HIVEP3: variants seen among roughly 807,000 people sequenced by gnomAD.
HIVEP3 encodes HIVEP zinc finger 3.
A neutral mutation model predicts 152.8 loss-of-function variants in HIVEP3; 49 were observed. That is an observed-to-expected ratio of 0.32 (90% CI 0.26 to 0.41). HIVEP3 has a LOEUF of 0.41. HIVEP3 is among the 10% of genes least tolerant of loss of function. The pLI, the probability that HIVEP3 is intolerant of heterozygous loss-of-function variation, is 1.00. For synonymous variants in HIVEP3, 1,269 were observed against 1,289.0 expected, an observed-to-expected ratio of 0.98 and a Z score of 0.33; for missense variants, 2,790 against 3,103.3, an observed-to-expected ratio of 0.90 and a Z score of 2.40.
chr1:41,521,109 T>A (rs971999413), intron 6 of HIVEP3, among the ~76,000 whole-genome samples: 1 of 152,138 alleles, frequency 6.6e-6, no homozygotes, highest in African/African-American at 2.4e-5. Context: ...CTTGGGCAAG[T>A]TCCTCAACCT....
At chr1:41,783,713 C>T (rs538474794) in intron 1 of HIVEP3, among the ~76,000 whole-genome samples, 12 of 152,260 alleles carry the variant, frequency 7.9e-5, no homozygotes, top group African/African-American at 1.7e-4. Context: ...AGATGACATT[C>T]GTGGGTATTA....
chr1:41,897,514 C>G (rs567525240), intron 1 of HIVEP3, among the ~76,000 whole-genome samples: 4 of 152,290 alleles, frequency 2.6e-5, no homozygotes, highest in African/African-American at 9.6e-5. Flanking sequence ...AGGCCCTCGT[C>G]AACACTGAAT....
At chr1:41,595,107 T>A (rs1303039527) in intron 3 of HIVEP3, among the ~76,000 whole-genome samples, 2 of 152,238 alleles carry the variant, frequency 1.3e-5, no homozygotes, top group Non-Finnish European at 2.9e-5. Flanking sequence ...TTTTTGCTAA[T>A]TCCCCATGTG....
At chr1:41,759,940 C>T (rs1036125406) in intron 1 of HIVEP3, among the ~76,000 whole-genome samples, 1 of 152,156 alleles carries the variant, frequency 6.6e-6, no homozygotes, top group African/African-American at 2.4e-5. Context: ...AAGGGCTCTA[C>T]CTGGCCCTAT....
chr1:41,581,031 C>T lies in HIVEP3; in HGVS notation c.3767G>A (p.Ser1256Asn). The T allele has an allele frequency of 6.4e-7, 1 of 1,559,170 alleles. No homozygotes were observed. Among genetic ancestry groups the T allele is most frequent in the Non-Finnish European group, 8.7e-7 (1 of 1,152,460 alleles). The change falls in exon 4 of 9, where the codon AGC becomes AAC. Residue 1256 changes from serine to asparagine, a missense_variant. By Grantham distance (46) the Ser-to-Asn change is conservative (BLOSUM62 1). This residue lies in a region of HIVEP3 where 1,078 missense variants were observed against 1,165.3 expected (regional missense o/e 0.93). Transcript: ENST00000372583. This position sits in a 1 kb window ranked among gnomAD's most constrained non-coding sequence, Gnocchi z 4.5. ...FALQLPGDVE[S>N]HLPQIKTSLA... is the part of the protein sequence containing the mutation. ...GCTGGTTTTGATCTGGGGCAGATGG[C>T]TTTCCACATCACCAGGGAGCTGAAG...
rs1207391900 is a variant in HIVEP3, at chr1:41,581,345, G to A, written c.3453C>T (p.Leu1151=). The A allele has an allele frequency of 1.1e-5, 18 of 1,613,808 alleles. No individual in the cohort carries two copies. Among genetic ancestry groups the A allele is most frequent in the Non-Finnish European group, 1.1e-5 (13 of 1,179,900 alleles). Reference sequence around the variant, plus strand: ...GAGACTGTCCTGGCTCATGCTGCACGAGATGCTGGAAGGAGAAAAGGGAGA... The same window carrying A: ...GAGACTGTCCTGGCTCATGCTGCACAAGATGCTGGAAGGAGAAAAGGGAGA... ...PPVSLFSFQH[L]VQHEPGQSPE... is the part of the protein sequence containing the mutation. The change falls in exon 4 of 9, where the codon CTC becomes CTT. Residue 1151 remains leucine (L), a synonymous_variant. Coordinates refer to ENST00000372583, the MANE Select transcript of HIVEP3 (RefSeq NM_024503.5). This position sits in a 1 kb window ranked among gnomAD's most constrained non-coding sequence, Gnocchi z 4.5.
intron 2 of HIVEP3, among the ~76,000 whole-genome samples, chr1:41,699,010 G>C (rs1646320079): frequency 6.6e-6 from 1 of 152,168 alleles, no homozygotes; most frequent in African/African-American, 2.4e-5. Flanking sequence ...AAGCCCGCTG[G>C]CCTGACCTCC....
At chr1:41,842,683 G>A (rs1189951649) in intron 1 of HIVEP3, among the ~76,000 whole-genome samples, 1 of 152,156 alleles carries the variant, frequency 6.6e-6, no homozygotes, top group Non-Finnish European at 1.5e-5. Flanking sequence ...AGAGAAAAGA[G>A]AGCAGAAAGA....
chr1:41,686,749 C>T (rs775112487), intron 2 of HIVEP3, among the ~76,000 whole-genome samples: 7 of 152,148 alleles, frequency 4.6e-5, no homozygotes, highest in African/African-American at 1.4e-4. Flanking sequence ...GGAAGCAGTT[C>T]TAGCTGCTAT....
At position 41,628,829 on chromosome 1, in the gene HIVEP3, G is replaced by C. The variant is rs539809125; in HGVS notation, c.-602C>G. ...AGCCAGCATTCATGTCCACTCCTAC[G>C]GCAGCCACCCTCCACCTAGGCGCCG... On this transcript the variant is annotated 5_prime_UTR_variant, in exon 3 of 9. Coordinates refer to ENST00000372583, the MANE Select transcript of HIVEP3 (RefSeq NM_024503.5). 5.7e-6 allele frequency: 7 copies of C among 1,231,870 alleles called. No homozygotes were observed. The highest frequency in any genetic ancestry group is 4.2e-5 in the Admixed American group (1 of 23,690). The allele number at this position is 1,231,870 out of a possible 1,614,324, so 76.3% of individuals were successfully genotyped here.
At chr1:41,882,420 G>A (rs1048465923) in intron 1 of HIVEP3, among the ~76,000 whole-genome samples, 2 of 152,192 alleles carry the variant, frequency 1.3e-5, no homozygotes, top group African/African-American at 4.8e-5. Context: ...CATGGGACAG[G>A]AGTTTCAAAA....
chr1:41,527,222 ACT>A (rs1206792205), intron 5 of HIVEP3, among the ~76,000 whole-genome samples: 4 of 52,050 alleles, frequency 7.7e-5, no homozygotes, highest in Non-Finnish European at 1.2e-4. Context: ...ACCCTCACAC[ACT>A]CACCCTCACA....
chr1:41,722,445 C>A (rs568766628), intron 1 of HIVEP3, among the ~76,000 whole-genome samples: 1 of 146,036 alleles, frequency 6.8e-6, no homozygotes, highest in East Asian at 2.1e-4. Context: ...TCCTTCCTTC[C>A]TTCTTTCCTT....
chr1:41,880,050 G>A (rs759493401), intron 1 of HIVEP3, among the ~76,000 whole-genome samples: 6 of 152,124 alleles, frequency 3.9e-5, no homozygotes, highest in Non-Finnish European at 8.8e-5. Flanking sequence ...TAGCTTGCCT[G>A]GGATCATCCT....
At chr1:41,803,860 T>C (rs966574847) in intron 1 of HIVEP3, among the ~76,000 whole-genome samples, 3 of 152,218 alleles carry the variant, frequency 2.0e-5, no homozygotes, top group Admixed American at 6.5e-5. Context: ...GTGCACATCC[T>C]GGGCACTGGG....
chr1:41,518,696 G>A (rs978736404), intron 6 of HIVEP3, among the ~76,000 whole-genome samples: 2 of 152,162 alleles, frequency 1.3e-5, no homozygotes, highest in Admixed American at 6.5e-5. Flanking sequence ...GTTCAGGGCA[G>A]TGCACAGCAG....
intron 1 of HIVEP3, among the ~76,000 whole-genome samples, chr1:41,841,126 CG>C (rs1643277644): frequency 6.6e-6 from 1 of 152,144 alleles, no homozygotes; most frequent in South Asian, 2.1e-4. Context: ...GCCAGCCCTG[CG>C]TTTCCACCTA....
intron 2 of HIVEP3, among the ~76,000 whole-genome samples, chr1:41,695,484 C>T (rs533206455): frequency 1.3e-5 from 2 of 152,148 alleles, no homozygotes; most frequent in African/African-American, 2.4e-5. Context: ...CCAGTGTAGG[C>T]CCCAGGGACA....
At chr1:41,788,815 C>T (rs374627962) in intron 1 of HIVEP3, among the ~76,000 whole-genome samples, 7 of 152,356 alleles carry the variant, frequency 4.6e-5, no homozygotes, top group African/African-American at 1.7e-4. Flanking sequence ...GGGGTCATGT[C>T]AGCCAGCTCC....
Sources: allele counts gnomAD v4.1 joint callset (sites outside exome capture counted in the v4.1 genomes callset), GRCh38; gene constraint gnomAD v4.1.1; regional missense constraint gnomAD v4.1.1; non-coding constraint Gnocchi (gnomAD v3.1); transcripts MANE v1.5; gene names NCBI Gene and HGNC (gene_info 2026-07-23, HGNC 2026-07-21).